The following PODXL2 variants were observed in gnomAD, a reference collection of about 807,000 sequenced individuals.
PODXL2 encodes the protein podocalyxin like 2.
PODXL2 carries 17 observed loss-of-function variants against 53.4 expected under a neutral mutation model. The ratio of observed to expected loss-of-function variants is 0.32; its 90% CI spans 0.22 to 0.48. The LOEUF is 0.48. Among genes scored for constraint, PODXL2 ranks in the 20% least tolerant of loss-of-function variants. The probability of loss-of-function intolerance (pLI) is 0.99; values close to 1 mark genes in which losing one functional copy is unlikely to be tolerated. For synonymous variants in PODXL2, 311 were observed against 306.7 expected (o/e 1.01, Z -0.15); for missense variants, 673 against 760.0 (o/e 0.89, Z 1.35).
chr3:127,660,615 A>G lies in PODXL2; in HGVS notation c.587A>G (p.Gln196Arg), dbSNP rs866025034. Residue 196 changes from glutamine (Q) to arginine (R), a missense_variant, in exon 3 of 8, where the codon CAA becomes CGA. Gln to Arg is a conservative substitution (Grantham distance 43). Coordinates refer to ENST00000342480, the MANE Select transcript of PODXL2 (RefSeq NM_015720.4). ...GAGCTGCTCCCTGTGAATGGATCCCAAGAAGAAGCCAAGCCTCAGGTCCGT... is the reference window on the plus strand; with the variant it reads ...GAGCTGCTCCCTGTGAATGGATCCCGAGAAGAAGCCAAGCCTCAGGTCCGT... The part of the protein sequence containing the change: ...EEELLPVNGS[Q>R]EEAKPQVRDF... The G allele has an allele frequency of 1.9e-6, 3 of 1,614,212 alleles. No homozygotes were observed. Among genetic ancestry groups the G allele is most frequent in the Non-Finnish European group, 1.7e-6 (2 of 1,180,040 alleles).
intron 2 of PODXL2, among the ~76,000 whole-genome samples, chr3:127,640,722 A>G (rs540323568): frequency 6.6e-6 from 1 of 152,200 alleles, no homozygotes; most frequent in East Asian, 1.9e-4. Flanking sequence ...AAAATAAAAT[A>G]AAAAATAAAA....
chr3:127,672,660 C>T lies in PODXL2; in HGVS notation c.*180C>T, dbSNP rs912229509. 5 of 480,596 alleles carry T rather than the reference C, an allele frequency of 1.0e-5. No individual in the cohort carries two copies. Among genetic ancestry groups the T allele is most frequent in the Non-Finnish European group, 1.4e-5 (4 of 278,914 alleles). 29.8% of individuals were successfully genotyped at this position (480,596 alleles called of 1,614,324 possible). A position where few individuals can be genotyped will look rare whatever the true frequency, so the allele number is the denominator to read the frequency against. ...CACGGCGGCTTCGGACCAACTCCCTCACTCCCGCCCGAGGGGCAGGCCTCA... is the reference window on the plus strand; with the variant it reads ...CACGGCGGCTTCGGACCAACTCCCTTACTCCCGCCCGAGGGGCAGGCCTCA... On this transcript the variant is annotated 3_prime_UTR_variant, in exon 8 of 8. Coordinates refer to ENST00000342480, the MANE Select transcript of PODXL2 (RefSeq NM_015720.4).
intron 2 of PODXL2, among the ~76,000 whole-genome samples, chr3:127,646,308 A>G (rs758615595): frequency 1.3e-4 from 19 of 151,814 alleles, no homozygotes; most frequent in Non-Finnish European, 2.5e-4. Flanking sequence ...CTGTCATGTC[A>G]CCTCTCAGCA....
intron 1 of PODXL2, among the ~76,000 whole-genome samples, chr3:127,635,973 G>A (rs1382094430): frequency 6.6e-6 from 1 of 152,184 alleles, no homozygotes. Flanking sequence ...TTCTGCATGG[G>A]CTCCTGTTTT....
intron 2 of PODXL2, among the ~76,000 whole-genome samples, chr3:127,645,164 GC>G (rs2074645197): frequency 6.6e-6 from 1 of 152,228 alleles, no homozygotes. Flanking sequence ...GCTCCAGCAT[GC>G]ATCTGATTAG....
At chr3:127,649,688 G>C (rs576346463) in intron 2 of PODXL2, among the ~76,000 whole-genome samples, 1 of 152,364 alleles carries the variant, frequency 6.6e-6, no homozygotes, top group South Asian at 2.1e-4. Context: ...TGTAATTCCA[G>C]CACTTTGGGA....
intron 1 of PODXL2, among the ~76,000 whole-genome samples, chr3:127,638,376 C>T (rs746808991): frequency 3.9e-4 from 59 of 152,320 alleles, no homozygotes; most frequent in Middle Eastern, 3.4e-3. Flanking sequence ...AAATTACCAG[C>T]ACTGGGTTGA....
chr3:127,656,847 C>T (rs1197162204), intron 2 of PODXL2, among the ~76,000 whole-genome samples: 1 of 151,498 alleles, frequency 6.6e-6, no homozygotes, highest in Non-Finnish European at 1.5e-5. Flanking sequence ...GAGTTCGAGA[C>T]CAGCCTGGGC....
At chr3:127,646,609 A>G (rs1353013664) in intron 2 of PODXL2, among the ~76,000 whole-genome samples, 2 of 152,054 alleles carry the variant, frequency 1.3e-5, no homozygotes, top group African/African-American at 4.8e-5. Flanking sequence ...GATGGTCTCA[A>G]ACTCCTGACC....
Position 127,672,516 on chromosome 3 carries a change from A to G in PODXL2, c.*36A>G. ...GGCGCAGGCCGAGTGGGCCGCCAGG[A>G]CCAAGCGAGGTGGACCCCGAAACGG... On this transcript the variant is annotated 3_prime_UTR_variant, in exon 8 of 8. Transcript: ENST00000342480. 2 of 1,356,334 alleles carry G rather than the reference A, an allele frequency of 1.5e-6. No homozygotes were observed. The highest frequency in any genetic ancestry group is 2.0e-6 in the Non-Finnish European group (2 of 1,023,470). 84.0% of individuals were successfully genotyped at this position (1,356,334 alleles called of 1,614,324 possible). A position where few individuals can be genotyped will look rare whatever the true frequency, so the allele number is the denominator to read the frequency against.
intron 1 of PODXL2, among the ~76,000 whole-genome samples, chr3:127,635,670 C>T (rs935156592): frequency 2.6e-5 from 4 of 152,218 alleles, no homozygotes; most frequent in African/African-American, 9.6e-5. Flanking sequence ...TGTTGGGCCC[C>T]GTCACAGACC....
chr3:127,640,717 A>G (rs934405455), intron 2 of PODXL2, among the ~76,000 whole-genome samples: 3 of 152,002 alleles, frequency 2.0e-5, no homozygotes, highest in Admixed American at 1.3e-4. Context: ...AAAATAAAAT[A>G]AAATAAAAAA....
chr3:127,634,963 A>G (rs1305866118), intron 1 of PODXL2, among the ~76,000 whole-genome samples: 1 of 152,142 alleles, frequency 6.6e-6, no homozygotes, highest in Non-Finnish European at 1.5e-5. Context: ...GTGAAGCACT[A>G]TGAGGACTGT....
Position 127,672,612 on chromosome 3 carries a change from CCTTCCCG to C in PODXL2, c.*139_*145del. 7.2e-6 allele frequency: 4 copies of C among 554,004 alleles called. No individual in the cohort carries two copies. The allele number at this position is 554,004 out of a possible 1,614,324, so 34.3% of individuals were successfully genotyped here. On this transcript the variant is annotated 3_prime_UTR_variant, in exon 8 of 8. Transcript: ENST00000342480. ...CGCGGCCTGGCCCTCGGCGCGGGCT[CCTTCCCG>C]CTTCCCCCGACTTCACACGGCGGCT...
At position 127,672,670 on chromosome 3, in the gene PODXL2, C is replaced by T. The variant is rs2107548653; in HGVS notation, c.*190C>T. 2.1e-6 allele frequency: 1 copy of T among 471,732 alleles called. No individual in the cohort carries two copies. The highest frequency in any genetic ancestry group is 3.7e-6 in the Non-Finnish European group (1 of 273,364). 29.2% of individuals were successfully genotyped at this position (471,732 alleles called of 1,614,324 possible). A position where few individuals can be genotyped will look rare whatever the true frequency, so the allele number is the denominator to read the frequency against. The stretch of plus-strand genomic sequence containing the variant: ...TCGGACCAACTCCCTCACTCCCGCC[C>T]GAGGGGCAGGCCTCAAAGCCCGCCT... On this transcript the variant is annotated 3_prime_UTR_variant, in exon 8 of 8. Transcript: ENST00000342480.
At chr3:127,654,917 G>A (rs950074312) in intron 2 of PODXL2, among the ~76,000 whole-genome samples, 1 of 150,884 alleles carries the variant, frequency 6.6e-6, no homozygotes, top group African/African-American at 2.4e-5. Flanking sequence ...GCAAAACCCC[G>A]TCTCTACTAA....
chr3:127,667,721 G>A (rs966812146), intron 4 of PODXL2, among the ~76,000 whole-genome samples: 1 of 152,206 alleles, frequency 6.6e-6, no homozygotes, highest in Non-Finnish European at 1.5e-5. Flanking sequence ...CAATACAAGC[G>A]AGTGCACGAT....
intron 2 of PODXL2, among the ~76,000 whole-genome samples, chr3:127,656,855 G>C (rs1431890362): frequency 3.9e-5 from 6 of 151,946 alleles, no homozygotes; most frequent in Admixed American, 3.9e-4. Context: ...GACCAGCCTG[G>C]GCAGTGTAGA....
chr3:127,649,510 C>T (rs981401892), intron 2 of PODXL2, among the ~76,000 whole-genome samples: 2 of 152,246 alleles, frequency 1.3e-5, no homozygotes, highest in Non-Finnish European at 2.9e-5. Context: ...TCCTTCCCAT[C>T]CCTCACCCTT....
Sources: allele counts gnomAD v4.1 joint callset (sites outside exome capture counted in the v4.1 genomes callset), GRCh38; gene constraint gnomAD v4.1.1; transcripts MANE v1.5; gene names NCBI Gene and HGNC (gene_info 2026-07-23, HGNC 2026-07-21).